HEATR4: variants seen among roughly 807,000 people sequenced by gnomAD.
HEATR4 encodes the protein HEAT repeat containing 4.
Under a neutral mutation model 108.8 loss-of-function variants are expected in HEATR4, and 95 were observed. That is an observed-to-expected ratio of 0.87 (90% CI 0.74 to 1.04). The LOEUF (loss-of-function observed/expected upper bound fraction) is 1.04, where lower values mean the gene tolerates loss of function less well. HEATR4 is among the 50% of genes least tolerant of loss of function. The pLI, the probability that HEATR4 is intolerant of heterozygous loss-of-function variation, is 0.00. For missense variants in HEATR4, 1,152 were observed against 1,253.8 expected (o/e 0.92, Z 1.23); for synonymous variants, 443 against 459.4 (o/e 0.96, Z 0.46).
chr14:73,482,918 C>A lies in HEATR4; in HGVS notation c.2845-4076G>T, dbSNP rs561622518. Among the ~76,000 whole-genome samples the A allele has an allele frequency of 3.3e-5, 5 of 152,334 alleles. No homozygotes were observed. The South Asian group carries it at 1.0e-3, about 32-fold the overall frequency. ...TCAGGTGATCCACCCATCTCAGCCT[C>A]CCAAAGTGCTGGGATTGCAGGCATG... is the stretch of plus-strand genomic sequence containing the variant. On this transcript the variant is annotated intron_variant, in intron 17 of 17. Transcript: ENST00000553558.
At chr14:73,598,239 AC>A in the HEATR4 span, among the ~76,000 whole-genome samples, 14 of 146,862 alleles carry the variant, frequency 9.5e-5, no homozygotes, top group African/African-American at 3.3e-4. Context: ...AAAAAAAAAA[AC>A]ATAGCCGGGT....
intron 11 of HEATR4, among the ~76,000 whole-genome samples, chr14:73,501,306 TA>T (rs1362049112): frequency 6.6e-6 from 1 of 151,992 alleles, no homozygotes; most frequent in Non-Finnish European, 1.5e-5. Context: ...CTTGTATTTT[TA>T]GTAGAGATGG....
the HEATR4 span, chr14:73,569,627 G>A: frequency 2.5e-6 from 4 of 1,601,222 alleles, no homozygotes; most frequent in African/African-American, 5.4e-5. Flanking sequence ...GCGCGCCCGC[G>A]CTGGGCGGCA....
At chr14:73,533,968 C>A (rs1888788461) in intron 1 of HEATR4, among the ~76,000 whole-genome samples, 1 of 108,474 alleles carries the variant, frequency 9.2e-6, no homozygotes, top group Admixed American at 1.1e-4. Context: ...GGTAGGGTCA[C>A]TTGTTTGGGA....
At chr14:73,491,817 A>G in intron 17 of HEATR4, 6 of 1,603,966 alleles carry the variant, frequency 3.7e-6, no homozygotes, top group Non-Finnish European at 5.1e-6. Context: ...GCCGCTCGCT[A>G]CATCAACGGA....
the HEATR4 span, among the ~76,000 whole-genome samples, chr14:73,572,588 G>A: frequency 5.4e-5 from 8 of 147,274 alleles, no homozygotes; most frequent in African/African-American, 1.0e-4. Flanking sequence ...GATGGTTTGC[G>A]GGTATCAGCA....
At chr14:73,574,951 G>A in the HEATR4 span, 1 of 1,604,580 alleles carries the variant, frequency 6.2e-7, no homozygotes, top group Non-Finnish European at 8.5e-7. Context: ...TCCAAAGGGG[G>A]TGAGCTCTGC....
rs1246232202 is a variant in HEATR4 at position 73,558,865 on chromosome 14, C to T, written c.-266G>A. On this transcript the variant is annotated 5_prime_UTR_variant, in exon 1 of 18. Transcript: ENST00000553558. ...GCAAAGGAGCAGTGTTTCAAAATTA[C>T]TTTCCAAATGGCCTCCTAAAAGGCA... is the stretch of plus-strand genomic sequence containing the variant. 6.6e-6 allele frequency: 1 copy of T among 151,150 alleles called. No homozygotes were observed. The highest frequency in any genetic ancestry group is 1.5e-5 in the Non-Finnish European group (1 of 67,796). 9.4% of individuals were successfully genotyped at this position (151,150 alleles called of 1,614,324 possible).
chr14:73,620,630 C>G, the HEATR4 span, among the ~76,000 whole-genome samples: 31 of 151,866 alleles, frequency 2.0e-4, 1 homozygote, highest in African/African-American at 7.2e-4. Context: ...TGCAATGGTA[C>G]GAGCTCAGCT....
chr14:73,495,142 C>T, intron 16 of HEATR4, 86 bp downstream of exon 16: 1 of 1,198,288 alleles, frequency 8.3e-7, no homozygotes, highest in Non-Finnish European at 1.2e-6. Context: ...TCCTCTAAGG[C>T]TTGCTACTAA....
At chr14:73,510,358 G>T (rs1397223026) in intron 7 of HEATR4, among the ~76,000 whole-genome samples, 1 of 152,044 alleles carries the variant, frequency 6.6e-6, no homozygotes, top group African/African-American at 2.4e-5. Context: ...GGCACCAGAA[G>T]AATATGGGAC....
the HEATR4 span, among the ~76,000 whole-genome samples, chr14:73,597,586 CTTTTCT>C: frequency 8.0e-6 from 1 of 124,370 alleles, no homozygotes; most frequent in Admixed American, 8.8e-5. Context: ...TTTCTTTTTT[CTTTTCT>C]TTTTTTTTTT....
At chr14:73,565,559 T>C in the HEATR4 span, among the ~76,000 whole-genome samples, 3 of 151,994 alleles carry the variant, frequency 2.0e-5, no homozygotes, top group South Asian at 2.1e-4. Context: ...AAAGGTGGCA[T>C]GTCCAGAGTT....
rs1889401586 is a variant in HEATR4, at chr14:73,556,684, C to T, written c.-152+2067G>A. 1.7e-5 allele frequency among the ~76,000 whole-genome samples: 2 copies of T among 114,302 alleles called. 1 individual carries two copies. The highest frequency in any genetic ancestry group is 3.8e-5 in the Non-Finnish European group (2 of 52,140). The allele number at this position is 114,302 out of a possible 152,430, so 75.0% of individuals were successfully genotyped here. On this transcript the variant is annotated intron_variant, in intron 1 of 17. Coordinates refer to ENST00000553558, the MANE Select transcript of HEATR4 (RefSeq NM_001220484.1). ...AAATAATTTGAAATCTGTAGTTTCC[C>T]AATCTGAAAATTGAGTCTGATACCT...
chr14:73,586,104 A>G, the HEATR4 span, among the ~76,000 whole-genome samples: 16 of 151,872 alleles, frequency 1.1e-4, no homozygotes, highest in African/African-American at 3.9e-4. Flanking sequence ...TTACTTAAAA[A>G]TTTTTTAGGC....
At chr14:73,520,704 T>C (rs1595131564) in intron 4 of HEATR4, 148 bp downstream of exon 4, 1 of 693,242 alleles carries the variant, frequency 1.4e-6, no homozygotes. Flanking sequence ...ACTCCTGTGC[T>C]AGTGTGGGTG....
At chr14:73,575,551 C>G in the HEATR4 span, 1 of 1,530,016 alleles carries the variant, frequency 6.5e-7, no homozygotes, top group Admixed American at 2.2e-5. Context: ...TTGCTAATCT[C>G]TCCTGGAAAC....
chr14:73,609,634 ATTTAT>A, the HEATR4 span, among the ~76,000 whole-genome samples: 3 of 151,870 alleles, frequency 2.0e-5, no homozygotes, highest in Admixed American at 6.6e-5. Context: ...TTGTTCTATT[ATTTAT>A]TTTATTTTAT....
chr14:73,503,493 C>T (rs1239498023), intron 10 of HEATR4, among the ~76,000 whole-genome samples: 1 of 152,210 alleles, frequency 6.6e-6, no homozygotes, highest in African/African-American at 2.4e-5. Flanking sequence ...GCAAAGATTA[C>T]TACACGATGA....
Sources: gnomAD v4.1 joint callset for allele counts (sites outside exome capture counted in the v4.1 genomes callset) on GRCh38, gnomAD v4.1.1 for gene constraint, MANE v1.5 for transcripts, NCBI Gene and HGNC (gene_info 2026-07-23, HGNC 2026-07-21) for gene names.